Variants in CNOT10 observed in about 807,000 individuals in gnomAD.
CNOT10 encodes CCR4-NOT transcription complex, subunit 10.
Under a neutral mutation model 94.6 loss-of-function variants are expected in CNOT10, and 30 were observed. That is an observed-to-expected ratio of 0.32 (90% CI 0.24 to 0.43). The LOEUF is 0.43. Ranked by LOEUF, CNOT10 falls within the 20% of genes least tolerant of loss-of-function variation. The probability of loss-of-function intolerance (pLI) is 1.00; values close to 1 mark genes in which losing one functional copy is unlikely to be tolerated. For missense variants in CNOT10, 759 were observed against 877.2 expected, an observed-to-expected ratio of 0.87 and a Z score of 1.70; for synonymous variants, 289 against 301.6, an observed-to-expected ratio of 0.96 and a Z score of 0.43.
intron 18 of CNOT10, among the ~76,000 whole-genome samples, chr3:32,772,645 C>T (rs913131995): frequency 6.6e-6 from 1 of 152,106 alleles, no homozygotes; most frequent in Non-Finnish European, 1.5e-5. Context: ...TGCAGTGAGC[C>T]GTAATCGCCC....
chr3:32,760,598 C>T (rs1461672505), intron 14 of CNOT10, among the ~76,000 whole-genome samples: 5 of 151,848 alleles, frequency 3.3e-5, no homozygotes, highest in African/African-American at 1.2e-4. Context: ...CACCATTGCA[C>T]TCCAGGCGGA....
At chr3:32,694,229 A>G (rs548795980) in intron 1 of CNOT10, among the ~76,000 whole-genome samples, 9 of 152,194 alleles carry the variant, frequency 5.9e-5, no homozygotes, top group African/African-American at 2.2e-4. Context: ...TGATCCCTGA[A>G]AGTGTAGTCT....
chr3:32,733,640 TAGG>T, intron 11 of CNOT10, 96 bp downstream of exon 11: 1 of 783,942 alleles, frequency 1.3e-6, no homozygotes, highest in Non-Finnish European at 1.9e-6. Flanking sequence ...TATCATTGCA[TAGG>T]AGGAACCACT....
chr3:32,687,628 A>AT (rs1477037896), intron 1 of CNOT10: 1 of 150,092 alleles, frequency 6.7e-6, no homozygotes, highest in East Asian at 2.0e-4. Context: ...ATTTTTTTGT[A>AT]TTTTTTAGTA....
intron 5 of CNOT10, among the ~76,000 whole-genome samples, chr3:32,714,264 C>G (rs1009602922): frequency 6.6e-6 from 1 of 151,996 alleles, no homozygotes; most frequent in Non-Finnish European, 1.5e-5. Context: ...TTCCTAATGA[C>G]TAAGGATGTA....
In CNOT10 at chr3:32,737,419, C is replaced by G; in HGVS notation, c.1524C>G (p.Ser508Arg). 1 of 1,605,056 alleles carries G rather than the reference C, an allele frequency of 6.2e-7. No individual in the cohort carries two copies. Among genetic ancestry groups the G allele is most frequent in the Non-Finnish European group, 8.5e-7 (1 of 1,172,464 alleles). Residue 508 changes from serine to arginine, a missense_variant, in exon 13 of 19, where the codon AGC (serine) becomes AGG (arginine). Ser to Arg is a moderately radical substitution (Grantham distance 110). Around this residue, in one of 3 missense-constraint regions of CNOT10, gnomAD observed 682 missense variants for 799.4 expected, o/e 0.85. Transcript: ENST00000328834. ...SESSETCSSK[S>R]HDGDKFIPAP... ...CTTACCTCTATTTTAGCAGTAAAAGCCATGATGGAGATAAATTCATTCCAG... is the reference window on the plus strand; with the variant it reads ...CTTACCTCTATTTTAGCAGTAAAAGGCATGATGGAGATAAATTCATTCCAG...
intron 1 of CNOT10, among the ~76,000 whole-genome samples, chr3:32,703,023 C>T (rs1354507349): frequency 1.1e-4 from 17 of 151,558 alleles, no homozygotes; most frequent in African/African-American, 2.2e-4. Flanking sequence ...GCCATTCTCC[C>T]GCCTCAGTCT....
At chr3:32,687,515 G>A (rs1378388461) in intron 1 of CNOT10, among the ~76,000 whole-genome samples, 10 of 128,914 alleles carry the variant, frequency 7.8e-5, no homozygotes, top group Non-Finnish European at 1.1e-4. Context: ...GCAGTGGTGC[G>A]ATATCGGCTC....
intron 13 of CNOT10, among the ~76,000 whole-genome samples, chr3:32,754,605 T>C (rs1296783328): frequency 5.2e-5 from 7 of 135,266 alleles, no homozygotes; most frequent in East Asian, 2.5e-4. Flanking sequence ...CTGCAACCTC[T>C]GCCTCCCGGG....
intron 2 of CNOT10, 81 bp from the exon 3 acceptor site, chr3:32,704,730 A>T: frequency 7.1e-7 from 1 of 1,416,154 alleles, no homozygotes. Flanking sequence ...ATAAAGATGA[A>T]TGAAATATAT....
intron 13 of CNOT10, among the ~76,000 whole-genome samples, chr3:32,739,069 T>C (rs1699330609): frequency 6.6e-6 from 1 of 151,978 alleles, no homozygotes; most frequent in Admixed American, 6.6e-5. Context: ...CACGCCTGGC[T>C]AAATTTTTGT....
intron 14 of CNOT10, 97 bp downstream of exon 14, chr3:32,759,668 A>AAT: frequency 1.2e-6 from 1 of 815,726 alleles, no homozygotes; most frequent in Non-Finnish European, 2.0e-6. Flanking sequence ...CCTCCAGTGG[A>AAT]ATATATATTT....
chr3:32,687,927 G>A (rs1298609126), intron 1 of CNOT10, among the ~76,000 whole-genome samples: 1 of 152,150 alleles, frequency 6.6e-6, no homozygotes, highest in African/African-American at 2.4e-5. Context: ...TATTCATTCA[G>A]TCTATCTTAC....
At chr3:32,725,664 G>A in intron 9 of CNOT10, 65 bp downstream of exon 9, 1 of 1,455,116 alleles carries the variant, frequency 6.9e-7, no homozygotes, top group Non-Finnish European at 9.4e-7. Flanking sequence ...TAAAAAGCAT[G>A]AATGTGGTTA....
chr3:32,772,662 A>G (rs1229988550), intron 18 of CNOT10, among the ~76,000 whole-genome samples: 1 of 151,990 alleles, frequency 6.6e-6, no homozygotes, highest in Non-Finnish European at 1.5e-5. Flanking sequence ...GCCCCACTGC[A>G]CTCTAGCCTG....
At chr3:32,696,792 T>G (rs1379753373) in intron 1 of CNOT10, among the ~76,000 whole-genome samples, 2 of 151,968 alleles carry the variant, frequency 1.3e-5, no homozygotes, top group Non-Finnish European at 2.9e-5. Flanking sequence ...GAGATGGGTT[T>G]TCACCATGTT....
In CNOT10 at chr3:32,727,671, A is replaced by G; in HGVS notation, c.1016A>G (p.Lys339Arg). The G allele has an allele frequency of 2.5e-6, 4 of 1,607,092 alleles. No individual in the cohort carries two copies. The highest frequency in any genetic ancestry group is 3.4e-6 in the Non-Finnish European group (4 of 1,174,216). ...QLSAGSTDPG[K>R]KFSGRPMCTL... Reference sequence around the variant, plus strand: ...CTTATCTAATTTTTATCACTAGGTAAAAAATTTTCAGGAAGACCCATGTGT... The same window carrying G: ...CTTATCTAATTTTTATCACTAGGTAGAAAATTTTCAGGAAGACCCATGTGT... Residue 339 changes from lysine to arginine, a missense_variant, in exon 10 of 19, where the codon AAA becomes AGA. Physicochemically the swap from Lys to Arg is conservative, Grantham distance 26. Around this residue, in one of 3 missense-constraint regions of CNOT10, gnomAD observed 682 missense variants for 799.4 expected, o/e 0.85. Transcript: ENST00000328834.
intron 1 of CNOT10, chr3:32,695,543 T>G (rs1697007859): frequency 1.3e-6 from 2 of 1,517,764 alleles, no homozygotes; most frequent in East Asian, 4.9e-5. Context: ...GTGCTTTCAG[T>G]TAACTGATGA....
chr3:32,723,923 T>TA (rs1698534278), intron 8 of CNOT10, among the ~76,000 whole-genome samples: 1 of 151,732 alleles, frequency 6.6e-6, no homozygotes, highest in African/African-American at 2.4e-5. Flanking sequence ...TGCAAAAAAA[T>TA]TAAAAAATTA....
Sources: allele counts gnomAD v4.1 joint callset (sites outside exome capture counted in the v4.1 genomes callset), GRCh38; gene constraint gnomAD v4.1.1; regional missense constraint gnomAD v4.1.1; transcripts MANE v1.5; gene names NCBI Gene and HGNC (gene_info 2026-07-23, HGNC 2026-07-21).